AKAP6: variants seen among roughly 807,000 people sequenced by gnomAD.
AKAP6 encodes A-kinase anchor protein 6.
A neutral mutation model predicts 188.5 loss-of-function variants in AKAP6; 58 were observed. That is an observed-to-expected ratio of 0.31 (90% confidence interval 0.25 to 0.38). AKAP6 has a LOEUF of 0.38. AKAP6 is among the 10% of genes least tolerant of loss of function. The pLI is 1.00. For missense variants in AKAP6, 2,710 were observed against 2,740.0 expected, an observed-to-expected ratio of 0.99 and a Z score of 0.24; for synonymous variants, 989 against 998.6, an observed-to-expected ratio of 0.99 and a Z score of 0.18.
chr14:32,510,523 C>T (rs1445660918), intron 2 of AKAP6, among the ~76,000 whole-genome samples: 1 of 138,868 alleles, frequency 7.2e-6, no homozygotes, highest in East Asian at 2.1e-4. Flanking sequence ...TACCTACAAT[C>T]TTATTCCCTG....
At position 32,821,984 on chromosome 14, in the gene AKAP6, A is replaced by G. The variant is rs766088704; in HGVS notation, c.4171A>G (p.Ser1391Gly). 5.6e-6 allele frequency: 9 copies of G among 1,614,018 alleles called. No individual in the cohort carries two copies. Among genetic ancestry groups the G allele is most frequent in the South Asian group, 1.1e-5 (1 of 91,086 alleles). ...CLLNAVDGSP[S>G]NLETEHLDPQ... ...GCTCAATGCAGTGGATGGGTCCCCA[A>G]GTAACCTTGAAACTGAACATCTGGA... The change falls in exon 13 of 14, where the codon AGT becomes GGT. Residue 1391 changes from serine (S) to glycine (G), a missense_variant. Physicochemically the swap from Ser to Gly is moderately conservative, Grantham distance 56. This residue lies in a region of AKAP6 where 2,473 missense variants were observed against 2,426.1 expected (regional missense o/e 1.02). Coordinates refer to ENST00000280979, the MANE Select transcript of AKAP6 (RefSeq NM_004274.5).
At chr14:32,525,233 G>A (rs2139076823) in intron 2 of AKAP6, among the ~76,000 whole-genome samples, 1 of 152,298 alleles carries the variant, frequency 6.6e-6, no homozygotes, top group South Asian at 2.1e-4. Flanking sequence ...ACAATGGTCA[G>A]TTTTCCTCCA....
intron 7 of AKAP6, among the ~76,000 whole-genome samples, chr14:32,646,243 T>C (rs1182238270): frequency 6.6e-6 from 1 of 152,024 alleles, no homozygotes; most frequent in Admixed American, 6.6e-5. Context: ...AGAACACCTA[T>C]AATAATATAT....
At chr14:32,412,804 A>G (rs916838220) in intron 1 of AKAP6, among the ~76,000 whole-genome samples, 3 of 152,212 alleles carry the variant, frequency 2.0e-5, no homozygotes, top group Non-Finnish European at 4.4e-5. Context: ...CACACCACGG[A>G]TGATGTTATC....
intron 2 of AKAP6, among the ~76,000 whole-genome samples, chr14:32,467,042 T>G (rs1371880303): frequency 6.6e-6 from 1 of 151,484 alleles, no homozygotes; most frequent in African/African-American, 2.4e-5. Flanking sequence ...CACCAGAGCC[T>G]ACTTGAGGTG....
At chr14:32,617,292 C>A (rs1007803436) in intron 7 of AKAP6, among the ~76,000 whole-genome samples, 3 of 152,064 alleles carry the variant, frequency 2.0e-5, no homozygotes, top group African/African-American at 7.2e-5. Context: ...TCATCTCCAC[C>A]TGTTTAATCC....
chr14:32,797,306 A>G (rs1340248052), intron 12 of AKAP6, among the ~76,000 whole-genome samples: 5 of 151,522 alleles, frequency 3.3e-5, no homozygotes, highest in Non-Finnish European at 5.9e-5. Flanking sequence ...TAAAAGATAC[A>G]TGCATGCATA....
At chr14:32,678,611 C>T (rs1889540010) in intron 8 of AKAP6, 152 bp downstream of exon 8, 1 of 896,946 alleles carries the variant, frequency 1.1e-6, no homozygotes, top group Non-Finnish European at 1.7e-6. Context: ...CCATTTGTGC[C>T]AGAATTGAAG....
intron 10 of AKAP6, among the ~76,000 whole-genome samples, chr14:32,735,313 CTG>C (rs745729699): frequency 2.6e-5 from 4 of 152,028 alleles, no homozygotes; most frequent in African/African-American, 4.8e-5. Context: ...GAATTTTTCT[CTG>C]TGACCAAAAA....
At chr14:32,472,172 G>A (rs1184280075) in intron 2 of AKAP6, among the ~76,000 whole-genome samples, 7 of 152,058 alleles carry the variant, frequency 4.6e-5, no homozygotes, top group South Asian at 2.1e-4. Context: ...GACAGAGATG[G>A]CAGTATTCCT....
At chr14:32,592,376 A>G (rs930684201) in intron 5 of AKAP6, among the ~76,000 whole-genome samples, 1 of 152,190 alleles carries the variant, frequency 6.6e-6, no homozygotes, top group Non-Finnish European at 1.5e-5. Flanking sequence ...TGGGGAAACC[A>G]GTTAGGTGGA....
Position 32,743,206 on chromosome 14 carries a change from C to A in AKAP6, c.3372+7324C>A, listed in dbSNP as rs374446488. The stretch of plus-strand genomic sequence containing the variant: ...AGCTACTCCTCCTCTTTTTTGGTTT[C>A]CACTGGCATGGAATCTTTTTCTGTC... On this transcript the variant is annotated intron_variant, in intron 11 of 13. Transcript: ENST00000280979. 1.5e-4 allele frequency among the ~76,000 whole-genome samples: 23 copies of A among 152,040 alleles called. No homozygotes were observed. The South Asian group carries it at 4.8e-3, about 32-fold the overall frequency.
At chr14:32,792,510 G>C (rs1035724296) in intron 12 of AKAP6, among the ~76,000 whole-genome samples, 3 of 152,180 alleles carry the variant, frequency 2.0e-5, no homozygotes, top group African/African-American at 7.2e-5. Context: ...AGCTTAAGCA[G>C]TTTTTGGGCT....
chr14:32,813,107 C>T (rs1165300483), intron 12 of AKAP6, among the ~76,000 whole-genome samples: 1 of 152,154 alleles, frequency 6.6e-6, no homozygotes, highest in African/African-American at 2.4e-5. Context: ...GACCCACGGG[C>T]TGTAAATTCC....
At chr14:32,689,832 C>G (rs940270502) in intron 8 of AKAP6, among the ~76,000 whole-genome samples, 1 of 151,970 alleles carries the variant, frequency 6.6e-6, no homozygotes, top group Non-Finnish European at 1.5e-5. Flanking sequence ...TTTGTTACCA[C>G]TCCTTTACGT....
At chr14:32,494,095 C>CAA in intron 2 of AKAP6, among the ~76,000 whole-genome samples, 1 of 152,306 alleles carries the variant, frequency 6.6e-6, no homozygotes, top group African/African-American at 2.4e-5. Flanking sequence ...GCTATCCATT[C>CAA]ACGACAGATT....
chr14:32,783,006 G>A (rs58152522), intron 12 of AKAP6, among the ~76,000 whole-genome samples: 8,119 of 152,076 alleles, frequency 0.053, 420 homozygotes, highest in East Asian at 0.26. Context: ...GATATCAAGA[G>A]TTATAATAAA....
intron 2 of AKAP6, among the ~76,000 whole-genome samples, chr14:32,466,024 A>G (rs896013116): frequency 6.6e-6 from 1 of 152,254 alleles, no homozygotes; most frequent in African/African-American, 2.4e-5. Context: ...AACCGTAATG[A>G]GATACCACCT....
intron 12 of AKAP6, among the ~76,000 whole-genome samples, chr14:32,787,745 A>T (rs998020612): frequency 8.5e-5 from 13 of 152,194 alleles, no homozygotes; most frequent in Non-Finnish European, 1.8e-4. Context: ...TCTTCTTTAG[A>T]GTATTTCTAG....
Sources: gnomAD v4.1 joint callset for allele counts (sites outside exome capture counted in the v4.1 genomes callset) on GRCh38, gnomAD v4.1.1 for gene constraint, gnomAD v4.1.1 regional missense constraint, MANE v1.5 for transcripts, NCBI Gene and HGNC (gene_info 2026-07-23, HGNC 2026-07-21) for gene names.